The following HMBOX1 variants were observed in gnomAD, a reference collection of about 807,000 sequenced individuals.
The protein encoded by HMBOX1 is homeobox containing 1.
A neutral mutation model predicts 54.5 loss-of-function variants in HMBOX1; 14 were observed. The observed-to-expected ratio is 0.26, with a 90% CI of 0.17 to 0.40. The LOEUF (loss-of-function observed/expected upper bound fraction) is 0.40. Ranked by LOEUF, HMBOX1 falls within the 10% of genes least tolerant of loss-of-function variation. The pLI is 1.00. For synonymous variants in HMBOX1, 160 were observed against 181.0 expected (o/e 0.88, Z 0.93); for missense variants, 332 against 514.4 (o/e 0.65, Z 3.43).
chr8:29,049,446 C>A, intron 9 of HMBOX1: 1 of 1,501,984 alleles, frequency 6.7e-7, no homozygotes, highest in Non-Finnish European at 8.9e-7. Context: ...ATACTAGGGG[C>A]AGCTGGACCC....
At chr8:28,927,874 C>T (rs145034490) in intron 1 of HMBOX1, among the ~76,000 whole-genome samples, 14,142 of 146,010 alleles carry the variant, frequency 0.097, 932 homozygotes, top group Middle Eastern at 0.18. Context: ...TGGTGGCTCA[C>T]GCCTGTAATC....
At chr8:28,976,770 G>T (rs1176928664) in intron 3 of HMBOX1, among the ~76,000 whole-genome samples, 1 of 146,438 alleles carries the variant, frequency 6.8e-6, no homozygotes, top group African/African-American at 2.5e-5. Flanking sequence ...GCAGTGGCAC[G>T]TTTTCGGCTC....
intron 2 of HMBOX1, among the ~76,000 whole-genome samples, chr8:28,968,361 CAT>C (rs1211328823): frequency 2.0e-5 from 3 of 152,168 alleles, no homozygotes; most frequent in Non-Finnish European, 4.4e-5. Context: ...TGTGCCAAAT[CAT>C]ATGTTTCCAG....
intron 1 of HMBOX1, 22 bp downstream of exon 1, chr8:28,890,700 C>G (rs940781707): frequency 1.2e-4 from 19 of 152,748 alleles, no homozygotes; most frequent in African/African-American, 4.6e-4. Context: ...GGTTTTGAAG[C>G]CGGACTACCT....
chr8:28,892,313 A>G (rs1811170946), intron 1 of HMBOX1, among the ~76,000 whole-genome samples: 1 of 152,120 alleles, frequency 6.6e-6, no homozygotes, highest in Admixed American at 6.5e-5. Context: ...TTTTTTTTCA[A>G]ATTTCAATTA....
At chr8:28,896,988 T>C (rs907823279) in intron 1 of HMBOX1, among the ~76,000 whole-genome samples, 6 of 151,652 alleles carry the variant, frequency 4.0e-5, no homozygotes, top group Non-Finnish European at 7.4e-5. Context: ...GTTTTTTTTT[T>C]TTTTCTTTTT....
chr8:29,042,469 G>T (rs1027184919), intron 6 of HMBOX1, among the ~76,000 whole-genome samples: 1 of 152,176 alleles, frequency 6.6e-6, no homozygotes, highest in Non-Finnish European at 1.5e-5. Context: ...GAGGGCTTGG[G>T]GTAAGAGAGT....
chr8:29,029,808 G>A (rs931171433), intron 6 of HMBOX1, among the ~76,000 whole-genome samples: 2 of 152,080 alleles, frequency 1.3e-5, no homozygotes, highest in South Asian at 2.1e-4. Flanking sequence ...ATTTATTGAC[G>A]GTTGCTAAGG....
chr8:28,991,518 A>G (rs755974306), intron 4 of HMBOX1, among the ~76,000 whole-genome samples: 4 of 152,192 alleles, frequency 2.6e-5, no homozygotes, highest in Non-Finnish European at 4.4e-5. Flanking sequence ...GCTTTTGAAC[A>G]TGTCGATTTT....
intron 1 of HMBOX1, among the ~76,000 whole-genome samples, chr8:28,943,009 C>T (rs948569948): frequency 6.6e-6 from 1 of 152,176 alleles, no homozygotes; most frequent in Non-Finnish European, 1.5e-5. Context: ...CTACTCTAGA[C>T]TCCTGCTTTT....
intron 6 of HMBOX1, among the ~76,000 whole-genome samples, chr8:29,038,001 A>G (rs1804185740): frequency 6.6e-6 from 1 of 152,238 alleles, no homozygotes; most frequent in Non-Finnish European, 1.5e-5. Flanking sequence ...AGGTTTGAAT[A>G]TCTCTTTAGC....
rs1030342939 is a variant in HMBOX1, at chr8:29,052,195, A to G, written c.*1040A>G. 1 of 152,844 alleles carries G rather than the reference A, an allele frequency of 6.5e-6. No homozygotes were observed. Among genetic ancestry groups the G allele is most frequent in the African/African-American group, 2.4e-5 (1 of 41,470 alleles). The allele number at this position is 152,844 out of a possible 1,614,324, so 9.5% of individuals were successfully genotyped here. On this transcript the variant is annotated 3_prime_UTR_variant, in exon 10 of 10. Transcript: ENST00000287701. ...GGAAGCCCCCTCACTCTGAGAGGTCACTAGAGGACTTCATAGTGGGGTTGT... is the reference window on the plus strand; with the variant it reads ...GGAAGCCCCCTCACTCTGAGAGGTCGCTAGAGGACTTCATAGTGGGGTTGT...
At chr8:28,993,409 AG>A (rs2132629529) in intron 4 of HMBOX1, among the ~76,000 whole-genome samples, 1 of 152,336 alleles carries the variant, frequency 6.6e-6, no homozygotes, top group African/African-American at 2.4e-5. Context: ...TGACAGTACA[AG>A]AATATTTATT....
At chr8:29,030,227 G>GT (rs1563614880) in intron 6 of HMBOX1, among the ~76,000 whole-genome samples, 2 of 108,490 alleles carry the variant, frequency 1.8e-5, no homozygotes, top group Non-Finnish European at 2.0e-5. Context: ...AATACCTTTT[G>GT]TTTTTTTGAG....
At chr8:28,960,944 G>A (rs1586112456) in intron 1 of HMBOX1, among the ~76,000 whole-genome samples, 1 of 151,556 alleles carries the variant, frequency 6.6e-6, no homozygotes, top group East Asian at 1.9e-4. Flanking sequence ...ATGCCACCAT[G>A]CCCAACTAAT....
At chr8:28,924,576 G>A (rs1298135012) in intron 1 of HMBOX1, 1 of 149,616 alleles carries the variant, frequency 6.7e-6, no homozygotes, top group Non-Finnish European at 1.5e-5. Context: ...GAATTCTTAT[G>A]TTTAGGTATT....
intron 4 of HMBOX1, among the ~76,000 whole-genome samples, chr8:28,986,153 T>C (rs978093195): frequency 6.6e-6 from 1 of 152,214 alleles, no homozygotes; most frequent in African/African-American, 2.4e-5. Context: ...GAATGTCATA[T>C]AGTTGGAGTC....
chr8:29,035,802 T>G (rs1228745255), intron 6 of HMBOX1, among the ~76,000 whole-genome samples: 2 of 152,208 alleles, frequency 1.3e-5, no homozygotes, highest in African/African-American at 4.8e-5. Context: ...TCAAAAGACA[T>G]GTTTCAGGAG....
chr8:28,931,782 C>G (rs1220736412), intron 1 of HMBOX1, among the ~76,000 whole-genome samples: 2 of 152,142 alleles, frequency 1.3e-5, no homozygotes, highest in African/African-American at 2.4e-5. Context: ...CTCAAGTGAT[C>G]CTCCTGCCAT....
Sources: gnomAD v4.1 joint callset for allele counts (sites outside exome capture counted in the v4.1 genomes callset) on GRCh38, gnomAD v4.1.1 for gene constraint, MANE v1.5 for transcripts, NCBI Gene and HGNC (gene_info 2026-07-23, HGNC 2026-07-21) for gene names.